PCDHA3: variants seen among roughly 807,000 people sequenced by gnomAD.
PCDHA3 encodes the protein protocadherin alpha-3.
In PCDHA3, 41 loss-of-function variants were observed where a neutral mutation model predicts 62.2. The ratio of observed to expected loss-of-function variants is 0.66; its 90% confidence interval spans 0.51 to 0.86. The LOEUF is 0.86. Among genes scored for constraint, PCDHA3 ranks in the 40% least tolerant of loss-of-function variants. The probability of loss-of-function intolerance (pLI) is 0.00; values close to 1 mark genes in which losing one functional copy is unlikely to be tolerated. For missense variants in PCDHA3, 1,304 were observed against 1,241.2 expected, an observed-to-expected ratio of 1.05 and a Z score of -0.76; for synonymous variants, 640 against 555.4, an observed-to-expected ratio of 1.15 and a Z score of -2.14.
Position 140,968,771 on chromosome 5 carries a change from T to C in PCDHA3, c.2395-10178T>C, listed in dbSNP as rs144153196. The C allele has an allele frequency of 3.1e-6, 5 of 1,614,024 alleles. No homozygotes were observed. Among genetic ancestry groups the C allele is most frequent in the Non-Finnish European group, 4.2e-6 (5 of 1,180,044 alleles). On this transcript the variant is annotated intron_variant, in intron 1 of 3. Transcript: ENST00000522353. The stretch of plus-strand genomic sequence containing the variant: ...GGTGGTCCGAGATAATGGAGAGCCA[T>C]CACTATCAGCCTCTGTGGCCATTAC...
chr5:140,823,817 C>A, intron 1 of PCDHA3: 1 of 1,613,782 alleles, frequency 6.2e-7, no homozygotes. Context: ...TCATCGCGGG[C>A]GTCGGCGGGC....
intron 1 of PCDHA3, chr5:140,863,388 C>T: frequency 1.0e-6 from 1 of 1,000,142 alleles, no homozygotes; most frequent in Non-Finnish European, 1.5e-6. Context: ...AGAGCTCGTG[C>T]ATGCCGGGCA....
At chr5:140,843,814 G>A in intron 1 of PCDHA3, 1 of 1,259,886 alleles carries the variant, frequency 7.9e-7, no homozygotes, top group Non-Finnish European at 1.1e-6. Context: ...ATTTTATAGT[G>A]AAAATTTAAA....
chr5:140,910,381 TG>T (rs2075003327), intron 1 of PCDHA3, among the ~76,000 whole-genome samples: 1 of 152,188 alleles, frequency 6.6e-6, no homozygotes, highest in Admixed American at 6.5e-5. Context: ...ACCTTGCCTT[TG>T]ACAGTTGACT....
rs1297383367 is a variant in PCDHA3 at position 140,898,744 on chromosome 5, G to T, written c.2395-80205G>T. ...CTGTGAAGAAAGTCATTGGTAGCTT[G>T]ATGGGGATGGCATTGAATCTGTAAA... is the stretch of plus-strand genomic sequence containing the variant. On this transcript the variant is annotated intron_variant, in intron 1 of 3. Coordinates refer to ENST00000522353, the MANE Select transcript of PCDHA3 (RefSeq NM_018906.3). 1.1e-4 allele frequency among the ~76,000 whole-genome samples: 17 copies of T among 152,248 alleles called. 2 individuals are homozygous for T. Among genetic ancestry groups the T allele is most frequent in the East Asian group, 7.7e-4 (4 of 5,188 alleles).
rs781847038 is a variant in PCDHA3 at position 140,803,544 on chromosome 5, CG to C, written c.2350del (p.Asp784IlefsTer29). On this transcript the variant is annotated frameshift_variant, in exon 1 of 4. Coordinates refer to ENST00000522353, the MANE Select transcript of PCDHA3 (RefSeq NM_018906.3). LOFTEE classifies it high-confidence loss of function. Reference sequence around the variant, plus strand: ...TAGCCTTCCTCCTTGTCCAATTAGCCGGGATAGAGAGGAGAAACAGGATGTG... The same window carrying C: ...TAGCCTTCCTCCTTGTCCAATTAGCCGGATAGAGAGGAGAAACAGGATGTG... ...SPSLPPCPISRDREEKQDVDV... is the reference protein window; with the variant it reads ...SPSLPPCPISXDREEKQDVDV... 10 of 1,614,160 alleles carry C rather than the reference CG, an allele frequency of 6.2e-6. No individual in the cohort carries two copies. Among genetic ancestry groups the C allele is most frequent in the Non-Finnish European group, 8.5e-6 (10 of 1,180,024 alleles).
chr5:140,872,286 G>C (rs145153656), intron 1 of PCDHA3, among the ~76,000 whole-genome samples: 7 of 151,974 alleles, frequency 4.6e-5, no homozygotes, highest in Admixed American at 1.3e-4. Flanking sequence ...AAAAAGTTAA[G>C]CCTTGCATTC....
chr5:140,888,994 T>A (rs1486471421), intron 1 of PCDHA3, among the ~76,000 whole-genome samples: 5 of 152,154 alleles, frequency 3.3e-5, no homozygotes, highest in African/African-American at 1.2e-4. Flanking sequence ...TATGATTTTC[T>A]TATGGCAAAC....
At chr5:140,861,541 A>C (rs2046969106) in intron 1 of PCDHA3, 1 of 426,724 alleles carries the variant, frequency 2.3e-6, no homozygotes, top group Admixed American at 2.3e-5. Context: ...TGCAGCATCC[A>C]CCTGGAAGTG....
chr5:140,968,652 ACCTGGACCT>A lies in PCDHA3; in HGVS notation c.2395-10295_2395-10287del, dbSNP rs1332508740. The A allele has an allele frequency of 1.9e-6, 3 of 1,614,000 alleles. No homozygotes were observed. In the African/African-American group the frequency reaches 4.0e-5, roughly 22 times the overall value. On this transcript the variant is annotated intron_variant, in intron 1 of 3. Transcript: ENST00000522353. ...TTTTACCATCTAGCCCAGACTTCTGACCTGGACCTCTTTAAGGTAGAGCTGCACACAGGA... is the reference window on the plus strand; with the variant it reads ...TTTTACCATCTAGCCCAGACTTCTGACTTTAAGGTAGAGCTGCACACAGGA...
At chr5:140,883,485 CATT>C in intron 1 of PCDHA3, 1 of 1,614,190 alleles carries the variant, frequency 6.2e-7, no homozygotes. Flanking sequence ...AACTACTACT[CATT>C]AGTGCTGGAC....
At chr5:140,949,628 C>G (rs974912926) in intron 1 of PCDHA3, among the ~76,000 whole-genome samples, 18 of 151,706 alleles carry the variant, frequency 1.2e-4, no homozygotes, top group African/African-American at 4.1e-4. Context: ...GTTTTCATGG[C>G]ATATTGCTTT....
chr5:140,810,493 G>T (rs1554125501), intron 1 of PCDHA3: 1 of 152,090 alleles, frequency 6.6e-6, no homozygotes, highest in Admixed American at 6.5e-5. Flanking sequence ...CTCTACATTT[G>T]TCAGGTTATT....
At chr5:140,877,959 T>C in intron 1 of PCDHA3, 2 of 1,325,332 alleles carry the variant, frequency 1.5e-6, no homozygotes, top group South Asian at 3.5e-5. Flanking sequence ...ATGTCTCATC[T>C]TTCTTGGTCA....
intron 1 of PCDHA3, among the ~76,000 whole-genome samples, chr5:140,964,114 C>T (rs1227257943): frequency 6.6e-6 from 1 of 151,992 alleles, no homozygotes; most frequent in Non-Finnish European, 1.5e-5. Context: ...TGAGCAATCA[C>T]ATTCTAACAA....
At chr5:140,871,113 G>A (rs782238733) in intron 1 of PCDHA3, 24 of 1,613,188 alleles carry the variant, frequency 1.5e-5, no homozygotes, top group South Asian at 7.7e-5. Flanking sequence ...CGTTGGTGGA[G>A]AGCGGACAGG....
At chr5:140,970,693 G>C (rs2096425356) in intron 1 of PCDHA3, among the ~76,000 whole-genome samples, 1 of 152,134 alleles carries the variant, frequency 6.6e-6, no homozygotes, top group South Asian at 2.1e-4. Flanking sequence ...AGGGCTTTTA[G>C]AGCTACTACA....
intron 1 of PCDHA3, chr5:140,883,026 A>C (rs1562783010): frequency 6.2e-7 from 1 of 1,614,190 alleles, no homozygotes; most frequent in Non-Finnish European, 8.5e-7. Context: ...ACGGTGTTAG[A>C]GAACGCCTTC....
At chr5:140,818,362 T>C (rs182657876) in intron 1 of PCDHA3, among the ~76,000 whole-genome samples, 93 of 152,386 alleles carry the variant, frequency 6.1e-4, no homozygotes, top group Non-Finnish European at 1.1e-3. Context: ...ATTGATTGAA[T>C]TCTTAACTTG....
Sources: allele counts gnomAD v4.1 joint callset (sites outside exome capture counted in the v4.1 genomes callset), GRCh38; gene constraint gnomAD v4.1.1; transcripts MANE v1.5; gene names NCBI Gene and HGNC (gene_info 2026-07-23, HGNC 2026-07-21).